The following ZNF385D variants were observed in gnomAD, a reference collection of about 807,000 sequenced individuals.
ZNF385D encodes the protein zinc finger protein 659.
Under a neutral mutation model 35.8 loss-of-function variants are expected in ZNF385D, and 15 were observed. That is an observed-to-expected ratio of 0.42 (90% CI 0.28 to 0.64). The LOEUF (loss-of-function observed/expected upper bound fraction) is 0.64, where lower values mean the gene tolerates loss of function less well. Ranked by LOEUF, ZNF385D falls within the 30% of genes least tolerant of loss-of-function variation. The pLI, the probability that ZNF385D is intolerant of heterozygous loss-of-function variation, is 0.23. For synonymous variants in ZNF385D, 212 were observed against 186.8 expected (o/e 1.13, Z -1.10); for missense variants, 474 against 494.6 (o/e 0.96, Z 0.39).
intron 2 of ZNF385D, among the ~76,000 whole-genome samples, chr3:21,658,486 C>T (rs1257463936): frequency 6.6e-6 from 1 of 151,950 alleles, no homozygotes; most frequent in Non-Finnish European, 1.5e-5. Flanking sequence ...CCATCAATTA[C>T]ACTTCTTATG....
intron 2 of ZNF385D, among the ~76,000 whole-genome samples, chr3:22,355,818 G>A (rs571351971): frequency 6.6e-6 from 1 of 151,986 alleles, no homozygotes; most frequent in East Asian, 1.9e-4. Context: ...GGGATACACA[G>A]TATACAACCA....
chr3:21,772,240 A>C (rs956362836), intron 3 of ZNF385D, among the ~76,000 whole-genome samples: 1 of 151,912 alleles, frequency 6.6e-6, no homozygotes, highest in Admixed American at 6.6e-5. Context: ...ACTTTATAAA[A>C]ATTTTTTAAA....
intron 3 of ZNF385D, among the ~76,000 whole-genome samples, chr3:21,956,848 CCA>C (rs1277471456): frequency 5.9e-5 from 9 of 151,736 alleles, no homozygotes; most frequent in Admixed American, 3.9e-4. Flanking sequence ...ATCCTGTGAT[CCA>C]CAGTCTCTCT....
chr3:22,257,525 A>G lies in ZNF385D; in HGVS notation c.107-88490T>C, dbSNP rs77589822. On this transcript the variant is annotated intron_variant, in intron 2 of 5. Coordinates refer to the ZNF385D transcript ENST00000494108. ...ATTCTATTATACTCTCATAATAAAT[A>G]TAGGTTTTCTCCAGAATTTCATACG... Among the ~76,000 whole-genome samples, 1,455 of 151,876 alleles carry G rather than the reference A, an allele frequency of 9.6e-3. 22 individuals carry two copies. The highest frequency in any genetic ancestry group is 0.033 in the African/African-American group (1,362 of 41,502).
intron 3 of ZNF385D, among the ~76,000 whole-genome samples, chr3:22,011,148 A>G (rs1161454580): frequency 6.6e-6 from 1 of 152,150 alleles, no homozygotes; most frequent in Non-Finnish European, 1.5e-5. Context: ...GTATATAACT[A>G]CAGTAATTTA....
chr3:22,057,716 G>A (rs764302064), intron 3 of ZNF385D, among the ~76,000 whole-genome samples: 13 of 152,032 alleles, frequency 8.6e-5, no homozygotes, highest in Admixed American at 3.3e-4. Flanking sequence ...GTTTCACCAT[G>A]TTGGTCAGGC....
At chr3:22,310,633 T>C (rs1207746488) in intron 2 of ZNF385D, among the ~76,000 whole-genome samples, 9 of 151,962 alleles carry the variant, frequency 5.9e-5, no homozygotes, top group Non-Finnish European at 1.0e-4. Flanking sequence ...TATGTTGCTT[T>C]CTTAGAAAGA....
chr3:21,789,930 G>C (rs1339691540), intron 3 of ZNF385D, among the ~76,000 whole-genome samples: 1 of 152,152 alleles, frequency 6.6e-6, no homozygotes, highest in African/African-American at 2.4e-5. Flanking sequence ...GGGATGAAAA[G>C]CTCTTAACAG....
At chr3:21,776,126 C>T (rs2125624683) in intron 3 of ZNF385D, among the ~76,000 whole-genome samples, 1 of 151,514 alleles carries the variant, frequency 6.6e-6, no homozygotes, top group Non-Finnish European at 1.5e-5. Context: ...TAATTATATC[C>T]TATATTATGA....
At chr3:21,748,078 T>C (rs1879167) in intron 1 of ZNF385D, among the ~76,000 whole-genome samples, 17,895 of 152,148 alleles carry the variant, frequency 0.12, 1,469 homozygotes, top group East Asian at 0.41. Flanking sequence ...GTAACAAAAG[T>C]GTCCACGGTG....
At position 21,646,858 on chromosome 3, in the gene ZNF385D, T is replaced by C. The variant is rs6797535; in HGVS notation, c.165+18028A>G. On this transcript the variant is annotated intron_variant, in intron 2 of 7. Transcript: ENST00000281523. The surrounding 1 kb of genome is among the most constrained non-coding windows in gnomAD (Gnocchi z 4.3). The stretch of plus-strand genomic sequence containing the variant: ...GTTGCTACCTGTAATGGCAGTCCTA[T>C]CCAGCCCCTCTCTGTCTGATGCTAA... Among the ~76,000 whole-genome samples, 17,974 of 152,174 alleles carry C rather than the reference T, an allele frequency of 0.12. 1,235 individuals carry two copies. Among genetic ancestry groups the C allele is most frequent in the African/African-American group, 0.18 (7,418 of 41,504 alleles).
chr3:21,443,031 A>G (rs1186834243), intron 4 of ZNF385D: 1 of 733,170 alleles, frequency 1.4e-6, no homozygotes, highest in Non-Finnish European at 1.7e-6. Context: ...TCTAAGCAGA[A>G]AAAGTCCCCC....
chr3:22,109,046 T>A lies in ZNF385D; in HGVS notation c.325+59771A>T, dbSNP rs115745224. On this transcript the variant is annotated intron_variant, in intron 3 of 5. Coordinates refer to the ZNF385D transcript ENST00000494108. ...AACAAAACCATGTAGCAATAATGCT[T>A]GTACAGACGAACGACGCAATACATA... 7.9e-3 allele frequency among the ~76,000 whole-genome samples: 1,196 copies of A among 152,224 alleles called. 11 individuals carry two copies. The highest frequency in any genetic ancestry group is 0.011 in the Non-Finnish European group (768 of 67,996).
chr3:22,314,635 T>G (rs9855468), intron 2 of ZNF385D, among the ~76,000 whole-genome samples: 1 of 151,906 alleles, frequency 6.6e-6, no homozygotes. Flanking sequence ...TCTGGCAGCC[T>G]GCAAATCATT....
Position 22,245,295 on chromosome 3 carries a change from C to A in ZNF385D, c.107-76260G>T, listed in dbSNP as rs76992372. Among the ~76,000 whole-genome samples, 923 of 152,142 alleles carry A rather than the reference C, an allele frequency of 6.1e-3. 6 individuals carry two copies. The highest frequency in any genetic ancestry group is 0.021 in the African/African-American group (873 of 41,514). On this transcript the variant is annotated intron_variant, in intron 2 of 5. Transcript: ENST00000494108. ...TTGATTTATTTCACCACCATTCTGA[C>A]CTCAGCATTCCTACCATATGACAGA...
chr3:21,755,685 C>A (rs542695943), upstream of ZNF385D, among the ~76,000 whole-genome samples: 1 of 152,036 alleles, frequency 6.6e-6, no homozygotes, highest in African/African-American at 2.4e-5. Flanking sequence ...TGTATGTAAC[C>A]CAAATGAAAG....
chr3:22,367,209 C>G (rs1049093427), intron 2 of ZNF385D, among the ~76,000 whole-genome samples: 5 of 152,126 alleles, frequency 3.3e-5, no homozygotes, highest in Admixed American at 1.3e-4. Flanking sequence ...ATTAAGTCTT[C>G]AATCAGTGCT....
chr3:22,046,490 A>AT (rs973532927), intron 3 of ZNF385D, among the ~76,000 whole-genome samples: 3 of 152,216 alleles, frequency 2.0e-5, no homozygotes, highest in Middle Eastern at 3.4e-3. Context: ...TCTACTAGAC[A>AT]TTTTTTTCCC....
rs141493763 is a variant in ZNF385D at position 21,466,030 on chromosome 3, C to T, written c.440-28827G>A. 3.4e-3 allele frequency among the ~76,000 whole-genome samples: 520 copies of T among 152,276 alleles called. 5 individuals are homozygous for T. Among genetic ancestry groups the T allele is most frequent in the African/African-American group, 0.012 (499 of 41,558 alleles). The stretch of plus-strand genomic sequence containing the variant: ...AATAGCAGAGTGGTCTACGACCCTA[C>T]CACCTGGAATGCACCCGATTTTGTC... On this transcript the variant is annotated intron_variant, in intron 4 of 7. Coordinates refer to ENST00000281523, the MANE Select transcript of ZNF385D (RefSeq NM_024697.3).
Sources: allele counts gnomAD v4.1 joint callset (sites outside exome capture counted in the v4.1 genomes callset), GRCh38; gene constraint gnomAD v4.1.1; non-coding constraint Gnocchi (gnomAD v3.1); transcripts MANE v1.5; gene names NCBI Gene and HGNC (gene_info 2026-07-23, HGNC 2026-07-21).